The following NUDCD1 variants were observed in gnomAD, a reference collection of about 807,000 sequenced individuals.
NUDCD1 encodes the protein NudC domain containing 1.
Under a neutral mutation model 67.8 loss-of-function variants are expected in NUDCD1, and 60 were observed. That is an observed-to-expected ratio of 0.88 (90% CI 0.72 to 1.10). NUDCD1 has a LOEUF of 1.10. Among genes scored for constraint, NUDCD1 ranks in the 50% least tolerant of loss-of-function variants. NUDCD1 has a pLI of 0.00. For synonymous variants in NUDCD1, 244 were observed against 230.8 expected (o/e 1.06, Z -0.52); for missense variants, 643 against 695.0 (o/e 0.93, Z 0.84).
chr8:109,275,231 GTATC>G, intron 7 of NUDCD1, 117 bp downstream of exon 7: 1 of 803,752 alleles, frequency 1.2e-6, no homozygotes, highest in Admixed American at 2.5e-5. Context: ...CAGATCAGTA[GTATC>G]TGATATGTAT....
At chr8:109,256,278 G>A (rs1175351350) in intron 8 of NUDCD1, among the ~76,000 whole-genome samples, 1 of 152,186 alleles carries the variant, frequency 6.6e-6, no homozygotes, top group East Asian at 1.9e-4. Flanking sequence ...CTGGATGGCA[G>A]TGTTCTTTTA....
At position 109,316,518 on chromosome 8, in the gene NUDCD1, C is replaced by T. The variant is rs1456325007; in HGVS notation, c.273+5791G>A. ...TGTGCACGTGTGCCTTTGATGAAAA[C>T]AAAAGAAAACAAAAAAAATTATTAA... is the stretch of plus-strand genomic sequence containing the variant. On this transcript the variant is annotated intron_variant, in intron 2 of 9. Transcript: ENST00000239690. The T allele has an allele frequency of 2.6e-5, 4 of 151,916 alleles. No individual in the cohort carries two copies. In the East Asian group the frequency reaches 7.7e-4, roughly 29 times the overall value. 9.4% of individuals were successfully genotyped at this position (151,916 alleles called of 1,614,324 possible).
At chr8:109,270,052 T>A in intron 8 of NUDCD1, among the ~76,000 whole-genome samples, 1 of 19,998 alleles carries the variant, frequency 5.0e-5, no homozygotes, top group Non-Finnish European at 9.5e-5. Flanking sequence ...GAGTGTAATT[T>A]TGAGGTGGCG....
At chr8:109,255,618 A>G (rs1464151780) in intron 8 of NUDCD1, among the ~76,000 whole-genome samples, 2 of 152,048 alleles carry the variant, frequency 1.3e-5, no homozygotes, top group Non-Finnish European at 2.9e-5. Flanking sequence ...GGATACATAT[A>G]AATGTTACCA....
At chr8:109,325,179 A>G (rs2926249) in intron 1 of NUDCD1, among the ~76,000 whole-genome samples, 55,149 of 151,878 alleles carry the variant, frequency 0.36, 10,780 homozygotes, top group South Asian at 0.51. Flanking sequence ...GTAGAAAGAT[A>G]GTTATCAGAG....
chr8:109,275,305 A>G, intron 7 of NUDCD1, 47 bp downstream of exon 7: 3 of 1,565,928 alleles, frequency 1.9e-6, no homozygotes, highest in Non-Finnish European at 2.6e-6. Flanking sequence ...TTCACATAAC[A>G]TATTTTTGGA....
Position 109,280,565 on chromosome 8 carries a change from GGAGGCA to G in NUDCD1, c.1028+397_1028+402del, listed in dbSNP as rs147898734. Among the ~76,000 whole-genome samples, 496 of 152,230 alleles carry G rather than the reference GGAGGCA, an allele frequency of 3.3e-3. 3 individuals carry two copies. The highest frequency in any genetic ancestry group is 0.011 in the African/African-American group (457 of 41,530). On this transcript the variant is annotated intron_variant, in intron 6 of 9. Coordinates refer to ENST00000239690, the MANE Select transcript of NUDCD1 (RefSeq NM_032869.4). ...GATGGGTGACCCATAGGCTTGTGTTGGAGGCAGACTTCTCACTCTACATCCTTTTGT... is the reference window on the plus strand; with the variant it reads ...GATGGGTGACCCATAGGCTTGTGTTGGACTTCTCACTCTACATCCTTTTGT...
At position 109,334,052 on chromosome 8, in the gene NUDCD1, T is replaced by G; in HGVS notation, c.-42A>C. 1 of 1,612,896 alleles carries G rather than the reference T, an allele frequency of 6.2e-7. No homozygotes were observed. Among genetic ancestry groups the G allele is most frequent in the Non-Finnish European group, 8.5e-7 (1 of 1,179,290 alleles). ...AGCGTGAGAATTAATAAAGCCCTTG[T>G]TGAAAGGTCCGCGCTTCACGCCTCG... On this transcript the variant is annotated 5_prime_UTR_variant, in exon 1 of 10. Transcript: ENST00000239690.
At chr8:109,325,508 T>C (rs1815659853) in intron 1 of NUDCD1, among the ~76,000 whole-genome samples, 1 of 152,162 alleles carries the variant, frequency 6.6e-6, no homozygotes, top group African/African-American at 2.4e-5. Flanking sequence ...AAAATACACC[T>C]ATATACATGC....
rs1327454619 is a variant in NUDCD1 at position 109,243,317 on chromosome 8, G to A, written c.1460-16C>T. On this transcript the variant is annotated splice_polypyrimidine_tract_variant and intron_variant, in intron 9 of 9. Transcript: ENST00000239690. ...TGGACATAGCCTGCCAAGAATATGA[G>A]ACAAACAAAAGAAAAACTATATATT... 1.3e-6 allele frequency: 2 copies of A among 1,537,288 alleles called. No individual in the cohort carries two copies. Among genetic ancestry groups the A allele is most frequent in the Admixed American group, 4.1e-5 (2 of 48,736 alleles).
rs192186965 is a variant in NUDCD1 at position 109,278,594 on chromosome 8, G to C, written c.1028+2374C>G. Among the ~76,000 whole-genome samples, 231 of 152,280 alleles carry C rather than the reference G, an allele frequency of 1.5e-3. 5 individuals are homozygous for C. In the South Asian group the frequency reaches 0.023, roughly 15 times the overall value. The stretch of plus-strand genomic sequence containing the variant: ...ACACCCTAGAGATAACAAGTGTTCT[G>C]ATTTGTATCACCATAGATTAGTTTT... On this transcript the variant is annotated intron_variant, in intron 6 of 9. Coordinates refer to ENST00000239690, the MANE Select transcript of NUDCD1 (RefSeq NM_032869.4).
At chr8:109,250,644 A>C (rs1411015564) in intron 8 of NUDCD1, among the ~76,000 whole-genome samples, 1 of 152,034 alleles carries the variant, frequency 6.6e-6, no homozygotes, top group Admixed American at 6.6e-5. Flanking sequence ...AGTTTCTTTC[A>C]ATTCCTAGTT....
At chr8:109,269,464 G>A (rs867985671) in intron 8 of NUDCD1, among the ~76,000 whole-genome samples, 10 of 152,134 alleles carry the variant, frequency 6.6e-5, no homozygotes, top group Middle Eastern at 3.2e-3. Context: ...AAGGGATAGC[G>A]AGTGAGAAGA....
chr8:109,317,390 G>C (rs910322469), intron 2 of NUDCD1, among the ~76,000 whole-genome samples: 1 of 152,120 alleles, frequency 6.6e-6, no homozygotes, highest in Non-Finnish European at 1.5e-5. Context: ...AAGAAATAAG[G>C]AGAACTGGTA....
intron 3 of NUDCD1, among the ~76,000 whole-genome samples, chr8:109,295,662 G>A (rs935722661): frequency 2.0e-5 from 3 of 151,936 alleles, no homozygotes; most frequent in Middle Eastern, 3.2e-3. Context: ...TATTAAGCTC[G>A]CATCTCTTTA....
rs368699088 is a variant in NUDCD1, at chr8:109,296,522, A to C, written c.321T>G (p.Asp107Glu). The C allele has an allele frequency of 1.2e-6, 2 of 1,611,762 alleles. No individual in the cohort carries two copies. Among genetic ancestry groups the C allele is most frequent in the Non-Finnish European group, 1.7e-6 (2 of 1,178,478 alleles). ...KPREVFRLPT[D>E]LTACDNRLCA... ...AAAGACGGTTGTCACATGCTGTCAA[A>C]TCTGTAGGAAGTCGAAACACCTCTC... Residue 107 changes from aspartate (D) to glutamate (E), a missense_variant, in exon 3 of 10, where the codon GAT (aspartate) becomes GAG (glutamate). By Grantham distance (45) the Asp-to-Glu change is conservative. Transcript: ENST00000239690.
intron 6 of NUDCD1, among the ~76,000 whole-genome samples, chr8:109,279,268 T>G (rs981366942): frequency 2.6e-5 from 4 of 152,206 alleles, no homozygotes; most frequent in African/African-American, 9.6e-5. Context: ...GTGCCCCACA[T>G]CCTTGCCAAC....
chr8:109,251,422 C>T lies in NUDCD1; in HGVS notation c.1300-5941G>A, dbSNP rs529225172. ...TCCTGACTTCGTGATCCACCCGCCT[C>T]AGCCTCCTAAAGTGCTGGGATTACA... On this transcript the variant is annotated intron_variant, in intron 8 of 9. Transcript: ENST00000239690. 5.9e-5 allele frequency among the ~76,000 whole-genome samples: 9 copies of T among 152,262 alleles called. No individual in the cohort carries two copies. In the South Asian group the frequency reaches 1.9e-3, roughly 32 times the overall value.
At chr8:109,261,997 G>C (rs114243358) in intron 8 of NUDCD1, among the ~76,000 whole-genome samples, 1 of 151,846 alleles carries the variant, frequency 6.6e-6, no homozygotes, top group African/African-American at 2.4e-5. Context: ...ATGGTGTTAT[G>C]AACAGCAATT....
Sources: allele counts gnomAD v4.1 joint callset (sites outside exome capture counted in the v4.1 genomes callset), GRCh38; gene constraint gnomAD v4.1.1; transcripts MANE v1.5; gene names NCBI Gene and HGNC (gene_info 2026-07-23, HGNC 2026-07-21).